Variants in MGAT5 observed in about 807,000 individuals in gnomAD.
MGAT5 encodes the protein alpha-1,6-mannosylglycoprotein 6-beta-N-acetylglucosaminyltransferase.
MGAT5 carries 30 observed loss-of-function variants against 94.3 expected under a neutral mutation model. The ratio of observed to expected loss-of-function variants is 0.32; its 90% CI spans 0.24 to 0.43. The LOEUF (loss-of-function observed/expected upper bound fraction) is 0.43, where lower values mean the gene tolerates loss of function less well. Among genes scored for constraint, MGAT5 ranks in the 20% least tolerant of loss-of-function variants. MGAT5 has a pLI of 1.00. For missense variants in MGAT5, 691 were observed against 905.5 expected (o/e 0.76, Z 3.04); for synonymous variants, 310 against 322.9 (o/e 0.96, Z 0.43).
At chr2:134,445,581 C>T (rs969518856) in intron 15 of MGAT5, among the ~76,000 whole-genome samples, 2 of 152,002 alleles carry the variant, frequency 1.3e-5, no homozygotes, top group Non-Finnish European at 2.9e-5. Flanking sequence ...TGACTTCAGT[C>T]ACAGCGTGGT....
rs142676642 is a variant in MGAT5, at chr2:134,202,666, G to A, written c.-142-51596G>A. 3.3e-5 allele frequency among the ~76,000 whole-genome samples: 5 copies of A among 152,322 alleles called. No homozygotes were observed. The East Asian group carries it at 9.6e-4, about 29-fold the overall frequency. On this transcript the variant is annotated intron_variant, in intron 1 of 16. Transcript: ENST00000409645. ...ATGGGTGGGGTAGGAATGTCCTTAG[G>A]GACTTGTGAGATAAGCAGTGTCTTC...
intron 1 of MGAT5, among the ~76,000 whole-genome samples, chr2:134,206,662 A>T (rs1157168882): frequency 6.6e-6 from 1 of 152,146 alleles, no homozygotes; most frequent in African/African-American, 2.4e-5. Context: ...ATTATCGTGG[A>T]TTGTCAAGAT....
intron 1 of MGAT5, among the ~76,000 whole-genome samples, chr2:134,161,598 A>G (rs1049477499): frequency 6.6e-6 from 1 of 152,134 alleles, no homozygotes; most frequent in Non-Finnish European, 1.5e-5. Flanking sequence ...TTTTCAAAAA[A>G]TCCTGGTGTG....
chr2:134,299,901 G>A (rs1685913753), intron 2 of MGAT5, among the ~76,000 whole-genome samples: 2 of 152,220 alleles, frequency 1.3e-5, no homozygotes, highest in East Asian at 1.9e-4. Flanking sequence ...TGGCTTTCCA[G>A]TTGACTTGCA....
chr2:134,223,433 T>C (rs1287462622), intron 1 of MGAT5, among the ~76,000 whole-genome samples: 1 of 152,216 alleles, frequency 6.6e-6, no homozygotes, highest in South Asian at 2.1e-4. Context: ...ACCATGATTT[T>C]TGTTTTCTTG....
intron 2 of MGAT5, among the ~76,000 whole-genome samples, chr2:134,310,751 CA>C (rs1460544756): frequency 2.0e-5 from 3 of 152,118 alleles, no homozygotes; most frequent in Admixed American, 6.5e-5. Flanking sequence ...GAATATTTGC[CA>C]AGCTGAGTGA....
chr2:134,301,474 T>C (rs1436876723), intron 2 of MGAT5, among the ~76,000 whole-genome samples: 1 of 152,220 alleles, frequency 6.6e-6, no homozygotes, highest in East Asian at 1.9e-4. Context: ...ATTTATGTTT[T>C]CTTTTTCTTG....
At position 134,338,441 on chromosome 2, in the gene MGAT5, G is replaced by A. The variant is rs774324262; in HGVS notation, c.807+21G>A. The A allele has an allele frequency of 1.3e-5, 20 of 1,569,858 alleles. No individual in the cohort carries two copies. In the African/African-American group the frequency reaches 1.8e-4, roughly 14 times the overall value. ...AGAAAGTGAGTTTCTTATTAATTCA[G>A]TGCAGTTAGATGCCAGCTTTCTTTT... On this transcript the variant is annotated intron_variant, in intron 6 of 15. Transcript: ENST00000281923.
chr2:134,191,575 T>C (rs1037236113), intron 1 of MGAT5, among the ~76,000 whole-genome samples: 2 of 150,732 alleles, frequency 1.3e-5, no homozygotes, highest in Admixed American at 6.6e-5. Flanking sequence ...CGCGCCCTCC[T>C]CCTTCTGGCG....
intron 1 of MGAT5, among the ~76,000 whole-genome samples, chr2:134,128,485 A>C (rs1685958664): frequency 6.6e-6 from 1 of 152,106 alleles, no homozygotes; most frequent in Non-Finnish European, 1.5e-5. Flanking sequence ...TTTCATGATA[A>C]TGAGTTGCTT....
chr2:134,246,259 G>T (rs1231525333), intron 1 of MGAT5, among the ~76,000 whole-genome samples: 3 of 151,754 alleles, frequency 2.0e-5, no homozygotes, highest in Non-Finnish European at 4.4e-5. Flanking sequence ...CTGCTCCTGA[G>T]CTCCTTTGCT....
intron 11 of MGAT5, among the ~76,000 whole-genome samples, chr2:134,410,254 G>A (rs576782753): frequency 2.2e-4 from 34 of 152,304 alleles, no homozygotes; most frequent in African/African-American, 6.3e-4. Context: ...AACTCTCTCC[G>A]CCTGTTGTGT....
intron 1 of MGAT5, among the ~76,000 whole-genome samples, chr2:134,221,975 A>C (rs1376238858): frequency 6.6e-6 from 1 of 152,118 alleles, no homozygotes; most frequent in Non-Finnish European, 1.5e-5. Flanking sequence ...GAGTTGTCTG[A>C]TCTGGTCATT....
At chr2:134,190,284 T>C (rs1195163142) in intron 1 of MGAT5, among the ~76,000 whole-genome samples, 2 of 152,204 alleles carry the variant, frequency 1.3e-5, no homozygotes, top group African/African-American at 4.8e-5. Flanking sequence ...GCTATCTCAG[T>C]TATTAGTGAA....
chr2:134,188,582 G>A (rs1689161943), intron 1 of MGAT5, among the ~76,000 whole-genome samples: 2 of 152,204 alleles, frequency 1.3e-5, no homozygotes, highest in African/African-American at 4.8e-5. Context: ...ATTAACAGTT[G>A]GCATAAATAT....
Position 134,349,931 on chromosome 2 carries a change from C to T in MGAT5, c.1239C>T (p.Thr413=). The T allele has an allele frequency of 1.9e-6, 3 of 1,613,224 alleles. No homozygotes were observed. Among genetic ancestry groups the T allele is most frequent in the Non-Finnish European group, 2.5e-6 (3 of 1,179,474 alleles). The change falls in exon 9 of 16, where the codon ACC becomes ACT. Residue 413 remains threonine, a synonymous_variant. Transcript: ENST00000281923. ...KWNLNPQQFY[T]MFPHTPDNSF... ...ATCTGAACCCTCAGCAGTTTTATAC[C>T]ATGTTCCGTGAGTATTCCTGTTTCA...
intron 1 of MGAT5, among the ~76,000 whole-genome samples, chr2:134,204,378 G>T (rs1370661362): frequency 1.3e-5 from 2 of 152,284 alleles, no homozygotes; most frequent in Non-Finnish European, 2.9e-5. Flanking sequence ...CTTGGCTAAT[G>T]AAATTAGCCA....
At chr2:134,236,218 A>T (rs1681631416) in intron 1 of MGAT5, among the ~76,000 whole-genome samples, 1 of 152,146 alleles carries the variant, frequency 6.6e-6, no homozygotes, top group Non-Finnish European at 1.5e-5. Flanking sequence ...GAAAGCTTGG[A>T]GCTTGCAGGC....
intron 13 of MGAT5, among the ~76,000 whole-genome samples, chr2:134,423,962 G>A (rs1289329338): frequency 6.6e-6 from 1 of 152,186 alleles, no homozygotes. Context: ...TTACCCAATG[G>A]ATAGATGGGA....
Sources: allele counts gnomAD v4.1 joint callset (sites outside exome capture counted in the v4.1 genomes callset), GRCh38; gene constraint gnomAD v4.1.1; transcripts MANE v1.5; gene names NCBI Gene and HGNC (gene_info 2026-07-23, HGNC 2026-07-21).